CPNE2: variants seen among roughly 807,000 people sequenced by gnomAD.
CPNE2 encodes copine-2.
CPNE2 carries 42 observed loss-of-function variants against 69.7 expected under a neutral mutation model. The observed-to-expected ratio is 0.60, with a 90% CI of 0.47 to 0.78. The LOEUF (loss-of-function observed/expected upper bound fraction) is 0.78. CPNE2 is among the 30% of genes least tolerant of loss of function. The probability of loss-of-function intolerance (pLI) is 0.00; values close to 1 mark genes in which losing one functional copy is unlikely to be tolerated. For synonymous variants in CPNE2, 294 were observed against 289.8 expected (o/e 1.01, Z -0.15); for missense variants, 587 against 732.0 (o/e 0.80, Z 2.29).
chr16:57,110,496 G>A (rs914412223), intron 1 of CPNE2: 19 of 272,610 alleles, frequency 7.0e-5, no homozygotes, highest in Admixed American at 2.2e-4. Context: ...GATTATAGGC[G>A]TGAGCCACTG....
chr16:57,117,481 G>A lies in CPNE2; in HGVS notation c.436-15G>A, dbSNP rs1423859870. ...TGGGGGAGTCTGAGGAGCCCCTCATGTCCCGGCCTTACAGATCGCTGCCCA... is the reference window on the plus strand; with the variant it reads ...TGGGGGAGTCTGAGGAGCCCCTCATATCCCGGCCTTACAGATCGCTGCCCA... On this transcript the variant is annotated splice_polypyrimidine_tract_variant and intron_variant, in intron 4 of 15. Coordinates refer to ENST00000290776, the MANE Select transcript of CPNE2 (RefSeq NM_152727.6). 3 of 1,611,734 alleles carry A rather than the reference G, an allele frequency of 1.9e-6. No homozygotes were observed. The South Asian group carries it at 3.3e-5, about 18-fold the overall frequency.
At chr16:57,134,471 C>T (rs1444262917) in intron 12 of CPNE2, among the ~76,000 whole-genome samples, 2 of 152,194 alleles carry the variant, frequency 1.3e-5, no homozygotes, top group Non-Finnish European at 2.9e-5. Context: ...ATCCCTGTCC[C>T]ACCCGGGACT....
At chr16:57,113,531 CT>C (rs2069695805) in intron 3 of CPNE2, 64 bp downstream of exon 3, 24 of 1,509,656 alleles carry the variant, frequency 1.6e-5, no homozygotes, top group Non-Finnish European at 2.2e-5. Flanking sequence ...CAAAAAGTCT[CT>C]TCTCGTGCTG....
At chr16:57,115,413 G>A in intron 3 of CPNE2, 63 bp from the exon 4 acceptor site, 2 of 1,374,432 alleles carry the variant, frequency 1.5e-6, no homozygotes, top group Non-Finnish European at 2.1e-6. Context: ...GCCGGTGGAG[G>A]ATTTTTCCTT....
chr16:57,124,306 T>C, intron 10 of CPNE2: 1 of 437,022 alleles, frequency 2.3e-6, no homozygotes, highest in African/African-American at 2.0e-5. Context: ...GGTCTCAAAC[T>C]CCTGGGCTCA....
chr16:57,107,662 A>C (rs1469672578), intron 1 of CPNE2, among the ~76,000 whole-genome samples: 2 of 152,052 alleles, frequency 1.3e-5, no homozygotes, highest in Admixed American at 1.3e-4. Flanking sequence ...CCTTCTCCCC[A>C]CAAGGGGCCA....
intron 4 of CPNE2, 94 bp downstream of exon 4, chr16:57,115,644 C>A: frequency 1.1e-6 from 1 of 890,174 alleles, no homozygotes; most frequent in South Asian, 1.7e-5. Context: ...TAATCACCAG[C>A]TTTGTTTGGA....
intron 1 of CPNE2, among the ~76,000 whole-genome samples, chr16:57,097,869 G>A (rs1468351829): frequency 6.6e-6 from 1 of 152,224 alleles, no homozygotes; most frequent in Non-Finnish European, 1.5e-5. Context: ...AGTCTCCGGA[G>A]AGCCACAGCA....
chr16:57,094,083 T>G (rs1567663126), intron 1 of CPNE2: 1 of 456,682 alleles, frequency 2.2e-6, no homozygotes, highest in Admixed American at 2.3e-5. Flanking sequence ...CCGCCTGGCA[T>G]AGGTCCAGGT....
intron 14 of CPNE2, chr16:57,141,403 C>T (rs2069921887): frequency 6.6e-6 from 1 of 152,350 alleles, no homozygotes; most frequent in Non-Finnish European, 1.5e-5. Flanking sequence ...CACCTCCTGG[C>T]TCCTTTCTGC....
intron 12 of CPNE2, among the ~76,000 whole-genome samples, chr16:57,132,560 G>C (rs2145272252): frequency 6.6e-6 from 1 of 152,352 alleles, no homozygotes; most frequent in Non-Finnish European, 1.5e-5. Flanking sequence ...AGGCCAGGTT[G>C]GGTGAACAGG....
chr16:57,147,452 A>G lies in CPNE2; in HGVS notation c.1540-99A>G. Reference sequence around the variant, plus strand: ...AGCCCTAATTTTGTCCTCAATGGACACCTGCTGTAGCAGCCCTCTGGGCAT... The same window carrying G: ...AGCCCTAATTTTGTCCTCAATGGACGCCTGCTGTAGCAGCCCTCTGGGCAT... On this transcript the variant is annotated intron_variant, in intron 15 of 15. Coordinates refer to ENST00000290776, the MANE Select transcript of CPNE2 (RefSeq NM_152727.6). 4 of 814,826 alleles carry G rather than the reference A, an allele frequency of 4.9e-6. No homozygotes were observed. The South Asian group carries it at 9.9e-5, about 20-fold the overall frequency. The allele number at this position is 814,826 out of a possible 1,614,324, so 50.5% of individuals were successfully genotyped here. A position where few individuals can be genotyped will look rare whatever the true frequency, so the allele number is the denominator to read the frequency against.
chr16:57,146,389 T>C lies in CPNE2; in HGVS notation c.1539+68T>C. ...CAGCCACCATAGCTCATAATCAAGCTTGAGAGTCTTGGGGTTGTCTGGCCC... is the reference window on the plus strand; with the variant it reads ...CAGCCACCATAGCTCATAATCAAGCCTGAGAGTCTTGGGGTTGTCTGGCCC... On this transcript the variant is annotated intron_variant, in intron 15 of 15. Coordinates refer to ENST00000290776, the MANE Select transcript of CPNE2 (RefSeq NM_152727.6). This position sits in a 1 kb window ranked among gnomAD's most constrained non-coding sequence, Gnocchi z 4.4. The C allele has an allele frequency of 7.5e-7, 1 of 1,342,050 alleles. No homozygotes were observed. Among genetic ancestry groups the C allele is most frequent in the Non-Finnish European group, 1.0e-6 (1 of 976,658 alleles). The allele number at this position is 1,342,050 out of a possible 1,614,324, so 83.1% of individuals were successfully genotyped here.
At chr16:57,145,134 GA>G (rs1269625072) in intron 14 of CPNE2, among the ~76,000 whole-genome samples, 2 of 151,928 alleles carry the variant, frequency 1.3e-5, no homozygotes, top group African/African-American at 2.4e-5. Flanking sequence ...CATTGTAAAT[GA>G]AAAAAAGCAG....
At chr16:57,116,468 C>T (rs552769752) in intron 4 of CPNE2, among the ~76,000 whole-genome samples, 24 of 152,232 alleles carry the variant, frequency 1.6e-4, no homozygotes, top group Non-Finnish European at 3.2e-4. Flanking sequence ...AGGAGGATCC[C>T]TTAAGGCCAG....
intron 12 of CPNE2, among the ~76,000 whole-genome samples, chr16:57,131,446 G>T (rs1271365389): frequency 6.6e-6 from 1 of 152,246 alleles, no homozygotes; most frequent in Non-Finnish European, 1.5e-5. Flanking sequence ...TGGGACCAAA[G>T]CTGGGCCACA....
intron 1 of CPNE2, among the ~76,000 whole-genome samples, chr16:57,100,969 G>A (rs1273600724): frequency 1.3e-5 from 2 of 152,192 alleles, no homozygotes; most frequent in African/African-American, 2.4e-5. Flanking sequence ...AGGCTTTGGT[G>A]ACCAGTTGTT....
Position 57,114,934 on chromosome 16 carries a change from C to CAAAAAAAAAA in CPNE2, c.361-525_361-516dup, listed in dbSNP as rs55845635. Among the ~76,000 whole-genome samples the CAAAAAAAAAA allele has an allele frequency of 2.0e-4, 8 of 39,068 alleles. 3 individuals are homozygous for CAAAAAAAAAA. The highest frequency in any genetic ancestry group is 3.3e-4 in the African/African-American group (3 of 9,166). The allele number at this position is 39,068 out of a possible 152,430, so 25.6% of individuals were successfully genotyped here. ...CAACATAATGAGCCCTTGTCTCTAC[C>CAAAAAAAAAA]AAAAAAAAAAAAAAAAAAAAAAAAA... is the stretch of plus-strand genomic sequence containing the variant. On this transcript the variant is annotated intron_variant, in intron 3 of 15. Transcript: ENST00000290776.
At position 57,115,550 on chromosome 16, in the gene CPNE2, G is replaced by T. The variant is rs770852542; in HGVS notation, c.435G>T (p.Thr145=). 1 of 1,610,240 alleles carries T rather than the reference G, an allele frequency of 6.2e-7. No individual in the cohort carries two copies. Among genetic ancestry groups the T allele is most frequent in the Admixed American group, 1.7e-5 (1 of 59,748 alleles). The change falls in exon 4 of 16, where the codon ACG becomes ACT. Residue 145 remains threonine (T), a splice_region_variant and synonymous_variant. Coordinates refer to ENST00000290776, the MANE Select transcript of CPNE2 (RefSeq NM_152727.6). ...NDKPAGKGLI[T]IAAQELSDNR... ...AGCCTGCGGGGAAGGGCTTGATTACGGTACCAGTCCCCTCCCGGCTCTCCG... is the reference window on the plus strand; with the variant it reads ...AGCCTGCGGGGAAGGGCTTGATTACTGTACCAGTCCCCTCCCGGCTCTCCG...
Sources: gnomAD v4.1 joint callset for allele counts (sites outside exome capture counted in the v4.1 genomes callset) on GRCh38, gnomAD v4.1.1 for gene constraint, Gnocchi (gnomAD v3.1) non-coding constraint, MANE v1.5 for transcripts, NCBI Gene and HGNC (gene_info 2026-07-23, HGNC 2026-07-21) for gene names.